PINK1: variants seen among roughly 807,000 people sequenced by gnomAD.
PINK1 encodes PTEN induced kinase 1.
In PINK1, 58 loss-of-function variants were observed where a neutral mutation model predicts 56.0. That is an observed-to-expected ratio of 1.04 (90% CI 0.84 to 1.29). The LOEUF (loss-of-function observed/expected upper bound fraction) is 1.29. PINK1 is among the 50% of genes most tolerant of loss of function. The pLI, the probability that PINK1 is intolerant of heterozygous loss-of-function variation, is 0.00. For missense variants in PINK1, 745 were observed against 777.9 expected (o/e 0.96, Z 0.50); for synonymous variants, 354 against 339.3 (o/e 1.04, Z -0.48).
At position 20,638,010 on chromosome 1, in the gene PINK1, A is replaced by G. The variant is rs371385940; in HGVS notation, c.556A>G (p.Lys186Glu). The G allele has an allele frequency of 1.2e-5, 19 of 1,614,154 alleles. No homozygotes were observed. Among genetic ancestry groups the G allele is most frequent in the African/African-American group, 8.0e-5 (6 of 75,030 alleles). Residue 186 changes from lysine to glutamate, a missense_variant, in exon 2 of 8, where the codon AAG becomes GAG. Transcript: ENST00000321556. ...PTLPQNLEVT[K>E]STGLLPGRGP... ...ATTGCCCCAGAACCTGGAGGTGACA[A>G]AGAGCACCGGGTTGCTTCCAGGGAG...
Position 20,645,579 on chromosome 1 carries a change from C to T in PINK1, c.979C>T (p.Gln327Ter). The T allele has an allele frequency of 6.2e-7, 1 of 1,614,082 alleles. No homozygotes were observed. The highest frequency in any genetic ancestry group is 8.5e-7 in the Non-Finnish European group (1 of 1,180,040). The change falls in exon 5 of 8, where the codon CAG (glutamine) becomes TAG (stop). Residue 327 changes from glutamine to a stop codon, truncating the protein, a stop_gained. Coordinates refer to ENST00000321556, the MANE Select transcript of PINK1 (RefSeq NM_032409.3). LOFTEE classifies it high-confidence loss of function. ...VMKNYPCTLR[Q>*]YLCVNTPSPR... is the part of the protein sequence containing the mutation. Reference sequence around the variant, plus strand: ...CGCCAGCTATCCCTGTACCCTGCGCCAGTACCTTTGTGTGAACACACCCAG... The same window carrying T: ...CGCCAGCTATCCCTGTACCCTGCGCTAGTACCTTTGTGTGAACACACCCAG...
At chr1:20,638,256 T>G in intron 2 of PINK1, 127 bp downstream of exon 2, 2 of 1,118,994 alleles carry the variant, frequency 1.8e-6, no homozygotes, top group Non-Finnish European at 2.5e-6. Flanking sequence ...GGTGCCTGTA[T>G]AGTCAGGTTA....
At chr1:20,633,973 A>C in intron 1 of PINK1, 38 bp downstream of exon 1, 2 of 1,370,242 alleles carry the variant, frequency 1.5e-6, no homozygotes, top group East Asian at 2.9e-5. Context: ...CGGAGGACGG[A>C]GCTAAGCGCG....
chr1:20,646,790 T>G (rs923060693), intron 5 of PINK1, among the ~76,000 whole-genome samples: 23 of 152,154 alleles, frequency 1.5e-4, no homozygotes, highest in African/African-American at 4.1e-4. Flanking sequence ...TGTAAGGAGA[T>G]TCATACATCT....
chr1:20,633,499 C>T lies in PINK1; in HGVS notation c.-50C>T. Reference sequence around the variant, plus strand: ...GTTTGTTGTGACCGGCGGGGGACGCCGGTGGTGGCGGCAGCGGCGGCTGCG... The same window carrying T: ...GTTTGTTGTGACCGGCGGGGGACGCTGGTGGTGGCGGCAGCGGCGGCTGCG... On this transcript the variant is annotated 5_prime_UTR_variant, in exon 1 of 8. Transcript: ENST00000321556. 9.0e-7 allele frequency: 1 copy of T among 1,107,096 alleles called. No individual in the cohort carries two copies. The highest frequency in any genetic ancestry group is 1.1e-6 in the Non-Finnish European group (1 of 908,768). 68.6% of individuals were successfully genotyped at this position (1,107,096 alleles called of 1,614,324 possible).
chr1:20,637,922 T>C lies in PINK1; in HGVS notation c.468T>C (p.Tyr156=), dbSNP rs1462382180. 4 of 1,614,044 alleles carry C rather than the reference T, an allele frequency of 2.5e-6. No homozygotes were observed. The highest frequency in any genetic ancestry group is 3.4e-6 in the Non-Finnish European group (4 of 1,180,030). ...TGCAGGGCTTTCGGCTGGAGGAGTA[T>C]CTGATAGGGCAGTCCATTGGTAAGG... ...RRLQGFRLEE[Y]LIGQSIGKGC... The change falls in exon 2 of 8, where the codon TAT becomes TAC. Residue 156 remains tyrosine (Y), a synonymous_variant. Transcript: ENST00000321556.
Position 20,641,200 on chromosome 1 carries a change from A to G in PINK1, c.776+1208A>G, listed in dbSNP as rs931494554. 1.3e-5 allele frequency among the ~76,000 whole-genome samples: 2 copies of G among 152,190 alleles called. No individual in the cohort carries two copies. The highest frequency in any genetic ancestry group is 2.9e-5 in the Non-Finnish European group (2 of 68,038). ...CCCTTCCATGGTTTGGAGGTTTCCAATGTGACTGGGAGTCCCTGCAGGCCG... is the reference window on the plus strand; with the variant it reads ...CCCTTCCATGGTTTGGAGGTTTCCAGTGTGACTGGGAGTCCCTGCAGGCCG... On this transcript the variant is annotated intron_variant, in intron 3 of 7. Transcript: ENST00000321556. This position sits in a 1 kb window ranked among gnomAD's most constrained non-coding sequence, Gnocchi z 4.0.
intron 5 of PINK1, among the ~76,000 whole-genome samples, chr1:20,647,473 T>C (rs2053198105): frequency 1.4e-5 from 2 of 138,534 alleles, no homozygotes; most frequent in Non-Finnish European, 3.1e-5. Context: ...TGGCTTTTTT[T>C]TTTTTTTTTT....
rs959857439 is a variant in PINK1 at position 20,648,597 on chromosome 1, G to A, written c.1216G>A (p.Asp406Asn). Residue 406 changes from aspartate (D) to asparagine (N), a missense_variant, in exon 6 of 8, where the codon GAT becomes AAT. Coordinates refer to ENST00000321556, the MANE Select transcript of PINK1 (RefSeq NM_032409.3). ...GTTGCCCTTCAGCAGCTGGTACGTGGATCGGGGCGGAAACGGCTGTCTGAT... is the reference window on the plus strand; with the variant it reads ...GTTGCCCTTCAGCAGCTGGTACGTGAATCGGGGCGGAAACGGCTGTCTGAT... ...LQLPFSSWYV[D>N]RGGNGCLMAP... 1 of 1,614,092 alleles carries A rather than the reference G, an allele frequency of 6.2e-7. No homozygotes were observed. The highest frequency in any genetic ancestry group is 1.7e-5 in the Admixed American group (1 of 60,022).
chr1:20,648,351 G>C, intron 5 of PINK1, 154 bp from the exon 6 acceptor site: 1 of 1,103,544 alleles, frequency 9.1e-7, no homozygotes, highest in Non-Finnish European at 1.3e-6. Flanking sequence ...AGGCCCTTCT[G>C]ATCAGCTCTC....
intron 4 of PINK1, 111 bp from the exon 5 acceptor site, chr1:20,645,449 A>G: frequency 8.1e-6 from 10 of 1,240,438 alleles, no homozygotes; most frequent in South Asian, 2.5e-5. Context: ...AGATCGTGCT[A>G]CTGCACTCCA....
chr1:20,636,135 C>T (rs2053053906), intron 1 of PINK1, among the ~76,000 whole-genome samples: 1 of 151,662 alleles, frequency 6.6e-6, no homozygotes, highest in Admixed American at 6.6e-5. Flanking sequence ...ACACTGCACC[C>T]CATCCTGGGC....
chr1:20,644,308 G>A (rs2053149718), intron 3 of PINK1, among the ~76,000 whole-genome samples, 182 bp from the exon 4 acceptor site: 1 of 152,194 alleles, frequency 6.6e-6, no homozygotes, highest in Non-Finnish European at 1.5e-5. Context: ...ATGGGTAGGG[G>A]AGTCATCAGA....
In PINK1 at chr1:20,637,874, T is replaced by A; in HGVS notation, c.420T>A (p.Pro140=). Residue 140 remains proline, a synonymous_variant, in exon 2 of 8, where the codon CCT becomes CCA. Transcript: ENST00000321556. ...TTACCCAGAAAAGCAAGCCGGGGCC[T>A]GACCCGTTGGACACGAGACGCTTGC... ...AIFTQKSKPG[P]DPLDTRRLQG... 6.2e-7 allele frequency: 1 copy of A among 1,614,214 alleles called. No individual in the cohort carries two copies. The highest frequency in any genetic ancestry group is 1.1e-5 in the South Asian group (1 of 91,086).
At chr1:20,648,841 T>A in intron 6 of PINK1, 154 bp from the exon 7 acceptor site, 1 of 1,236,356 alleles carries the variant, frequency 8.1e-7, no homozygotes, top group Non-Finnish European at 1.2e-6. Flanking sequence ...CCAGGTGGTC[T>A]AAGCAGACCC....
intron 5 of PINK1, among the ~76,000 whole-genome samples, chr1:20,646,158 G>A (rs965700131): frequency 3.9e-5 from 6 of 152,074 alleles, no homozygotes; most frequent in African/African-American, 1.4e-4. Flanking sequence ...AGCCAGGCAT[G>A]GTGGCATGCA....
At chr1:20,650,134 A>G (rs1446791152) in intron 7 of PINK1, 1 of 465,250 alleles carries the variant, frequency 2.1e-6, no homozygotes, top group African/African-American at 2.0e-5. Flanking sequence ...AGAGGAGACT[A>G]CTTACCTGGT....
intron 2 of PINK1, chr1:20,638,998 A>G (rs570474802): frequency 2.0e-5 from 3 of 152,452 alleles, no homozygotes; most frequent in East Asian, 1.9e-4. Flanking sequence ...TCCCCCACGA[A>G]AACAATTTCT....
chr1:20,633,668 T>G lies in PINK1; in HGVS notation c.120T>G (p.Cys40Trp), dbSNP rs780115582. Residue 40 changes from cysteine to tryptophan, a missense_variant, in exon 1 of 8, where the codon TGT (cysteine) becomes TGG (tryptophan). Transcript: ENST00000321556. Reference protein sequence around the residue: ...GLGRPGPAAGCVRGERPGWAA... With the variant: ...GLGRPGPAAGWVRGERPGWAA... ...GGCGGCCGGGCCCGGCGGCGGGCTGTGTCCGCGGGGAGCGTCCAGGCTGGG... is the reference window on the plus strand; with the variant it reads ...GGCGGCCGGGCCCGGCGGCGGGCTGGGTCCGCGGGGAGCGTCCAGGCTGGG... 2.6e-5 allele frequency: 36 copies of G among 1,364,668 alleles called. No homozygotes were observed. The South Asian group carries it at 6.4e-4, about 24-fold the overall frequency. 84.5% of individuals were successfully genotyped at this position (1,364,668 alleles called of 1,614,324 possible).
Sources: allele counts gnomAD v4.1 joint callset (sites outside exome capture counted in the v4.1 genomes callset), GRCh38; gene constraint gnomAD v4.1.1; non-coding constraint Gnocchi (gnomAD v3.1); transcripts MANE v1.5; gene names NCBI Gene and HGNC (gene_info 2026-07-23, HGNC 2026-07-21).